The following KALRN variants were observed in gnomAD, a reference collection of about 807,000 sequenced individuals.
KALRN encodes kalirin.
Under a neutral mutation model 353.7 loss-of-function variants are expected in KALRN, and 70 were observed. The ratio of observed to expected loss-of-function variants is 0.20; its 90% CI spans 0.16 to 0.24. The LOEUF (loss-of-function observed/expected upper bound fraction) is 0.24, where lower values mean the gene tolerates loss of function less well. Ranked by LOEUF, KALRN falls within the 10% of genes least tolerant of loss-of-function variation. The probability of loss-of-function intolerance (pLI) is 1.00; values close to 1 mark genes in which losing one functional copy is unlikely to be tolerated. For missense variants in KALRN, 2,791 were observed against 3,756.7 expected (o/e 0.74, Z 6.72); for synonymous variants, 1,391 against 1,434.8 (o/e 0.97, Z 0.69).
intron 36 of KALRN, among the ~76,000 whole-genome samples, chr3:124,635,794 G>C (rs1461214290): frequency 6.6e-6 from 1 of 152,068 alleles, no homozygotes; most frequent in Non-Finnish European, 1.5e-5. Context: ...AAAATTGCAT[G>C]AATTTTTTTC....
At chr3:124,395,085 C>T (rs1220308478) in intron 11 of KALRN, 50 bp from the exon 12 acceptor site, 1 of 1,508,480 alleles carries the variant, frequency 6.6e-7, no homozygotes. Flanking sequence ...TCACCCCAGC[C>T]CTGGCCTCTC....
At chr3:124,623,373 G>GAT (rs72497673) in intron 34 of KALRN, among the ~76,000 whole-genome samples, 15,599 of 144,800 alleles carry the variant, frequency 0.11, 917 homozygotes, top group South Asian at 0.12. Flanking sequence ...ACTAATAGGA[G>GAT]ATATATATAT....
At chr3:124,236,440 G>A (rs1239339203) in intron 3 of KALRN, among the ~76,000 whole-genome samples, 2 of 152,172 alleles carry the variant, frequency 1.3e-5, no homozygotes, top group African/African-American at 2.4e-5. Context: ...CTAAGTAAGT[G>A]ACTAACAGGC....
chr3:124,649,836 T>TAG (rs1040385326), intron 37 of KALRN, among the ~76,000 whole-genome samples: 1 of 149,622 alleles, frequency 6.7e-6, no homozygotes, highest in Admixed American at 6.7e-5. Flanking sequence ...GATAGATAGA[T>TAG]ATTATGGCTG....
chr3:124,355,340 C>T (rs943133640), intron 10 of KALRN, among the ~76,000 whole-genome samples: 10 of 151,958 alleles, frequency 6.6e-5, no homozygotes, highest in Non-Finnish European at 8.8e-5. Flanking sequence ...TGGAAAATTG[C>T]GCCTAATTCT....
chr3:124,362,018 G>T (rs972543696), intron 10 of KALRN, among the ~76,000 whole-genome samples: 2 of 152,114 alleles, frequency 1.3e-5, no homozygotes, highest in Admixed American at 1.3e-4. Context: ...CCTCCATGAG[G>T]CAAGTACTTC....
intron 57 of KALRN, among the ~76,000 whole-genome samples, chr3:124,704,803 G>C (rs143478468): frequency 6.6e-6 from 1 of 151,984 alleles, no homozygotes; most frequent in Non-Finnish European, 1.5e-5. Context: ...ACCCACCTTG[G>C]CCTCCCAAAG....
At chr3:124,616,272 G>T (rs2078584492) in intron 34 of KALRN, among the ~76,000 whole-genome samples, 1 of 152,164 alleles carries the variant, frequency 6.6e-6, no homozygotes, top group South Asian at 2.1e-4. Context: ...AATTAAGCCT[G>T]TTGCAGTTAC....
chr3:124,188,756 T>G (rs916445706), intron 1 of KALRN, among the ~76,000 whole-genome samples: 2 of 152,204 alleles, frequency 1.3e-5, no homozygotes, highest in African/African-American at 4.8e-5. Context: ...TCATGGATGC[T>G]GGCAGAAGTT....
intron 13 of KALRN, among the ~76,000 whole-genome samples, chr3:124,406,543 TA>T (rs1327794415): frequency 6.6e-6 from 1 of 152,154 alleles, no homozygotes. Context: ...TTCACAAAAA[TA>T]ATGATGTCAT....
chr3:124,046,928 G>A (rs2040525948), intron 1 of KALRN, among the ~76,000 whole-genome samples: 2 of 148,464 alleles, frequency 1.3e-5, no homozygotes, highest in African/African-American at 5.0e-5. Context: ...GCTACTTATT[G>A]GTGTCTAGGC....
intron 26 of KALRN, among the ~76,000 whole-genome samples, chr3:124,475,175 G>A (rs1451066384): frequency 6.6e-6 from 1 of 152,152 alleles, no homozygotes; most frequent in African/African-American, 2.4e-5. Context: ...AGCACATCAT[G>A]GAGAATGGGT....
At chr3:124,537,140 C>T (rs1487045687) in intron 33 of KALRN, among the ~76,000 whole-genome samples, 1 of 152,190 alleles carries the variant, frequency 6.6e-6, no homozygotes, top group East Asian at 1.9e-4. Flanking sequence ...CTCCCGGTTT[C>T]AGGCAATTCT....
At chr3:124,676,805 A>T (rs1217749970) in intron 49 of KALRN, among the ~76,000 whole-genome samples, 1 of 152,222 alleles carries the variant, frequency 6.6e-6, no homozygotes, top group African/African-American at 2.4e-5. Context: ...TAACAGGCTG[A>T]TGCCATCTAA....
chr3:124,224,006 A>G (rs539059725), intron 1 of KALRN, among the ~76,000 whole-genome samples: 1 of 152,306 alleles, frequency 6.6e-6, no homozygotes, highest in East Asian at 1.9e-4. Flanking sequence ...AATTAACGGA[A>G]CAGCAGGCTT....
At position 124,496,235 on chromosome 3, in the gene KALRN, G is replaced by A. The variant is rs1010121306; in HGVS notation, c.4833-76G>A. On this transcript the variant is annotated intron_variant, in intron 32 of 59. Coordinates refer to ENST00000682506, the MANE Select transcript of KALRN (RefSeq NM_001388419.1). ...GAGGCGCTGCTCTGCCCACCCAACC[G>A]GAAATCCTTGTGTGCTCTAAACCCA... 34 of 1,107,974 alleles carry A rather than the reference G, an allele frequency of 3.1e-5. 1 individual carries two copies. Among genetic ancestry groups the A allele is most frequent in the South Asian group, 8.9e-5 (7 of 78,612 alleles). 68.6% of individuals were successfully genotyped at this position (1,107,974 alleles called of 1,614,324 possible). A position where few individuals can be genotyped will look rare whatever the true frequency, so the allele number is the denominator to read the frequency against.
intron 3 of KALRN, among the ~76,000 whole-genome samples, chr3:124,257,241 A>G (rs575628789): frequency 2.6e-5 from 4 of 152,214 alleles, no homozygotes; most frequent in Non-Finnish European, 4.4e-5. Context: ...GTGAGTTTTT[A>G]TCATTAAACT....
Position 124,696,181 on chromosome 3 carries a change from A to C in KALRN, c.7625A>C (p.Asp2542Ala). 6.2e-7 allele frequency: 1 copy of C among 1,613,956 alleles called. No homozygotes were observed. The highest frequency in any genetic ancestry group is 8.5e-7 in the Non-Finnish European group (1 of 1,179,778). The change falls in exon 54 of 60, where the codon GAC becomes GCC. Residue 2542 changes from aspartate to alanine, a missense_variant. By Grantham distance (126) the Asp-to-Ala change is moderately radical. Coordinates refer to ENST00000682506, the MANE Select transcript of KALRN (RefSeq NM_001388419.1). ...AAGATCTGTAATCTGATGCCCCAAG[A>C]CAGTGGGATTTATACCTGCATAGCA... The part of the protein sequence containing the change: ...TLKICNLMPQ[D>A]SGIYTCIATN...
chr3:124,359,653 C>T (rs898411936), intron 10 of KALRN, among the ~76,000 whole-genome samples: 2 of 152,134 alleles, frequency 1.3e-5, no homozygotes, highest in Admixed American at 6.6e-5. Flanking sequence ...GAGAGTGACA[C>T]CTACCCTGAA....
Sources: allele counts gnomAD v4.1 joint callset (sites outside exome capture counted in the v4.1 genomes callset), GRCh38; gene constraint gnomAD v4.1.1; transcripts MANE v1.5; gene names NCBI Gene and HGNC (gene_info 2026-07-23, HGNC 2026-07-21).